The following ZDHHC2 variants were observed in gnomAD, a reference collection of about 807,000 sequenced individuals.
ZDHHC2 encodes the protein palmitoyltransferase ZDHHC2.
A neutral mutation model predicts 55.6 loss-of-function variants in ZDHHC2; 51 were observed. The observed-to-expected ratio is 0.92, with a 90% CI of 0.73 to 1.16. ZDHHC2 has a LOEUF of 1.16. Ranked by LOEUF, ZDHHC2 falls within the 50% of genes most tolerant of loss-of-function variation. The pLI, the probability that ZDHHC2 is intolerant of heterozygous loss-of-function variation, is 0.00. For missense variants in ZDHHC2, 491 were observed against 442.4 expected, an observed-to-expected ratio of 1.11 and a Z score of -0.99; for synonymous variants, 199 against 152.9, an observed-to-expected ratio of 1.30 and a Z score of -2.22.
At position 17,221,559 on chromosome 8, in the gene ZDHHC2, C is replaced by G. The variant is rs1807919027; in HGVS notation, c.*1338C>G. On this transcript the variant is annotated 3_prime_UTR_variant, in exon 13 of 13. Transcript: ENST00000262096. ...TAATCAAAGAGAAAATGGTAATAAA[C>G]TTTTCAAAATCTTTGTTAAACCAAA... 6.6e-6 allele frequency: 1 copy of G among 152,244 alleles called. No individual in the cohort carries two copies. Among genetic ancestry groups the G allele is most frequent in the African/African-American group, 2.4e-5 (1 of 41,400 alleles). 9.4% of individuals were successfully genotyped at this position (152,244 alleles called of 1,614,324 possible). A position where few individuals can be genotyped will look rare whatever the true frequency, so the allele number is the denominator to read the frequency against.
chr8:17,170,280 G>C (rs771584406), intron 1 of ZDHHC2, among the ~76,000 whole-genome samples: 2 of 152,172 alleles, frequency 1.3e-5, no homozygotes, highest in African/African-American at 4.8e-5. Context: ...GGATACTCTC[G>C]AATGTTTTAA....
intron 3 of ZDHHC2, among the ~76,000 whole-genome samples, chr8:17,188,859 A>T (rs183365634): frequency 6.6e-6 from 1 of 152,290 alleles, no homozygotes; most frequent in African/African-American, 2.4e-5. Context: ...AAGTTTTCTT[A>T]TGTCAGTAAT....
At chr8:17,183,643 G>A (rs975081172) in intron 1 of ZDHHC2, among the ~76,000 whole-genome samples, 1 of 152,066 alleles carries the variant, frequency 6.6e-6, no homozygotes, top group African/African-American at 2.4e-5. Context: ...CATTTAAGGG[G>A]GACACTATAA....
intron 3 of ZDHHC2, among the ~76,000 whole-genome samples, chr8:17,190,026 G>A (rs1041061954): frequency 7.9e-5 from 12 of 152,088 alleles, no homozygotes; most frequent in Non-Finnish European, 1.8e-4. Flanking sequence ...CAAGCACAAT[G>A]GGTGGGAGTG....
chr8:17,169,857 AT>A (rs971075040), intron 1 of ZDHHC2, among the ~76,000 whole-genome samples: 161 of 151,724 alleles, frequency 1.1e-3, no homozygotes, highest in Non-Finnish European at 1.3e-3. Context: ...TCCTTGCATA[AT>A]TTTTTTTTAG....
chr8:17,169,933 A>G (rs1038935720), intron 1 of ZDHHC2, among the ~76,000 whole-genome samples: 1 of 152,176 alleles, frequency 6.6e-6, no homozygotes, highest in African/African-American at 2.4e-5. Flanking sequence ...ATAATATTAC[A>G]CTATTACAAT....
intron 12 of ZDHHC2, among the ~76,000 whole-genome samples, chr8:17,218,750 G>A (rs1278527788): frequency 6.6e-6 from 1 of 152,076 alleles, no homozygotes; most frequent in Non-Finnish European, 1.5e-5. Flanking sequence ...AAAAATACCC[G>A]ATTTTCTGAT....
rs1382388287 is a variant in ZDHHC2, at chr8:17,221,828, TATG to T, written c.*1610_*1612del. On this transcript the variant is annotated 3_prime_UTR_variant, in exon 13 of 13. Coordinates refer to ENST00000262096, the MANE Select transcript of ZDHHC2 (RefSeq NM_016353.5). ...ATCTGCTTCAAGAAATCTCAGAAAA[TATG>T]ATAACATTTTAACTTTCATTTTAGA... is the stretch of plus-strand genomic sequence containing the variant. 2 of 152,398 alleles carry T rather than the reference TATG, an allele frequency of 1.3e-5. No homozygotes were observed. The highest frequency in any genetic ancestry group is 2.1e-4 in the South Asian group (1 of 4,832). The allele number at this position is 152,398 out of a possible 1,614,324, so 9.4% of individuals were successfully genotyped here.
At position 17,179,843 on chromosome 8, in the gene ZDHHC2, A is replaced by C. The variant is rs146551977; in HGVS notation, c.131-4946A>C. 1.9e-3 allele frequency among the ~76,000 whole-genome samples: 296 copies of C among 152,336 alleles called. 1 individual carries two copies. Among genetic ancestry groups the C allele is most frequent in the African/African-American group, 6.7e-3 (279 of 41,568 alleles). Reference sequence around the variant, plus strand: ...GCCAAGAAAGTGCTGCAGTTCCCACAATTAATCACAGAGGAACTTGAAGTT... The same window carrying C: ...GCCAAGAAAGTGCTGCAGTTCCCACCATTAATCACAGAGGAACTTGAAGTT... On this transcript the variant is annotated intron_variant, in intron 1 of 12. Coordinates refer to ENST00000262096, the MANE Select transcript of ZDHHC2 (RefSeq NM_016353.5).
chr8:17,182,587 T>A (rs561241299), intron 1 of ZDHHC2, among the ~76,000 whole-genome samples: 2 of 152,156 alleles, frequency 1.3e-5, no homozygotes, highest in East Asian at 3.9e-4. Flanking sequence ...TGTGTACTTT[T>A]AAAAAAATAG....
intron 1 of ZDHHC2, among the ~76,000 whole-genome samples, chr8:17,177,067 C>G (rs1054889787): frequency 1.3e-5 from 2 of 152,162 alleles, no homozygotes; most frequent in African/African-American, 2.4e-5. Flanking sequence ...TGGAAAGTAG[C>G]TAAAAGGACA....
chr8:17,195,906 T>G lies in ZDHHC2; in HGVS notation c.373+282T>G, dbSNP rs138696043. ...GAAGATGTGGGAACTGCTGAAATCT[T>G]GATTTATGGTAGTACTCATGTTTAA... On this transcript the variant is annotated intron_variant, in intron 4 of 12. Transcript: ENST00000262096. Among the ~76,000 whole-genome samples, 1,004 of 152,322 alleles carry G rather than the reference T, an allele frequency of 6.6e-3. 13 individuals carry two copies. Among genetic ancestry groups the G allele is most frequent in the African/African-American group, 0.023 (944 of 41,584 alleles).
intron 6 of ZDHHC2, among the ~76,000 whole-genome samples, chr8:17,200,108 G>C (rs909004438): frequency 6.6e-6 from 1 of 152,134 alleles, no homozygotes; most frequent in Non-Finnish European, 1.5e-5. Context: ...TGCAGCTGCT[G>C]TCAGTGCCCC....
At chr8:17,165,751 G>A (rs971015133) in intron 1 of ZDHHC2, among the ~76,000 whole-genome samples, 3 of 152,366 alleles carry the variant, frequency 2.0e-5, no homozygotes, top group Non-Finnish European at 2.9e-5. Flanking sequence ...AGTAGGGCAA[G>A]AAGGACTGAG....
chr8:17,160,221 C>G (rs1032789720), intron 1 of ZDHHC2, among the ~76,000 whole-genome samples: 1 of 152,190 alleles, frequency 6.6e-6, no homozygotes, highest in Non-Finnish European at 1.5e-5. Context: ...TTCTTTATTT[C>G]AGATTTACTG....
rs757462092 is a variant in ZDHHC2, at chr8:17,207,965, C to A, written c.603C>A (p.Gly201=). 2.6e-6 allele frequency: 4 copies of A among 1,551,084 alleles called. No individual in the cohort carries two copies. Among genetic ancestry groups the A allele is most frequent in the Non-Finnish European group, 3.5e-6 (4 of 1,147,168 alleles). The part of the protein sequence containing the change: ...LQYFIKFWTN[G]LPDTQAKFHI... ...TTTTCTTCCTTTCTTTATAGAATGG[C>A]CTACCTGATACTCAAGCCAAGTTCC... Residue 201 remains glycine (G), a synonymous_variant, in exon 8 of 13, where the codon GGC becomes GGA. Transcript: ENST00000262096.
intron 3 of ZDHHC2, among the ~76,000 whole-genome samples, chr8:17,188,003 C>G (rs1394262021): frequency 6.6e-6 from 1 of 152,212 alleles, no homozygotes; most frequent in Non-Finnish European, 1.5e-5. Flanking sequence ...TCTCCCTTGT[C>G]TGAGATATTG....
intron 3 of ZDHHC2, among the ~76,000 whole-genome samples, chr8:17,193,648 G>A (rs1806152548): frequency 6.6e-6 from 1 of 152,250 alleles, no homozygotes; most frequent in South Asian, 2.1e-4. Context: ...TCCGGCCCTG[G>A]CCGGGTTCAG....
At chr8:17,201,099 T>C (rs1365023774) in intron 6 of ZDHHC2, among the ~76,000 whole-genome samples, 1 of 152,192 alleles carries the variant, frequency 6.6e-6, no homozygotes, top group Non-Finnish European at 1.5e-5. Flanking sequence ...AGTCTATAGG[T>C]AATAACATGC....
Sources: allele counts gnomAD v4.1 joint callset (sites outside exome capture counted in the v4.1 genomes callset), GRCh38; gene constraint gnomAD v4.1.1; transcripts MANE v1.5; gene names NCBI Gene and HGNC (gene_info 2026-07-23, HGNC 2026-07-21).